The following ANO8 variants were observed in gnomAD, a reference collection of about 807,000 sequenced individuals.
ANO8 encodes anoctamin 8, also known as anoctamin-8.
In ANO8, 67 loss-of-function variants were observed where a neutral mutation model predicts 120.4. The ratio of observed to expected loss-of-function variants is 0.56; its 90% CI spans 0.46 to 0.68. The LOEUF is 0.68. Among genes scored for constraint, ANO8 ranks in the 30% least tolerant of loss-of-function variants. The pLI, the probability that ANO8 is intolerant of heterozygous loss-of-function variation, is 0.00. For missense variants in ANO8, 1,526 were observed against 1,737.6 expected (o/e 0.88, Z 2.16); for synonymous variants, 727 against 759.2 (o/e 0.96, Z 0.70).
rs528803838 is a variant in ANO8, at chr19:17,328,341, C to T, written c.2047G>A (p.Gly683Arg). 6 of 1,578,038 alleles carry T rather than the reference C, an allele frequency of 3.8e-6. No individual in the cohort carries two copies. Among genetic ancestry groups the T allele is most frequent in the Admixed American group, 1.8e-5 (1 of 55,096 alleles). ...EPPAILFRRA[G>R]GEGRDQGPDG... is the part of the protein sequence containing the mutation. Reference sequence around the variant, plus strand: ...GGCCCCTGGTCTCGGCCCTCGCCCCCGGCCCGGCGGAACAAGATGGCCGGG... The same window carrying T: ...GGCCCCTGGTCTCGGCCCTCGCCCCTGGCCCGGCGGAACAAGATGGCCGGG... The change falls in exon 13 of 18, where the codon GGG (glycine) becomes AGG (arginine). Residue 683 changes from glycine to arginine, a missense_variant. Coordinates refer to ENST00000159087, the MANE Select transcript of ANO8 (RefSeq NM_020959.3).
Position 17,328,210 on chromosome 19 carries a change from CGA to C in ANO8, c.2176_2177del (p.Ser726AlafsTer53), listed in dbSNP as rs761093570. On this transcript the variant is annotated frameshift_variant, in exon 13 of 18. Transcript: ENST00000159087. LOFTEE classifies it high-confidence loss of function. ...SWIDPPEEEHSPQLTQAELES... is the reference protein window; with the variant it reads ...SWIDPPEEEHXPQLTQAELES... ...CCAGCTCTGCCTGGGTGAGCTGGGGCGAGTGTTCCTCCTCCGGCGGGTCAATC... is the reference window on the plus strand; with the variant it reads ...CCAGCTCTGCCTGGGTGAGCTGGGGCGTGTTCCTCCTCCGGCGGGTCAATC... 1 of 1,591,720 alleles carries C rather than the reference CGA, an allele frequency of 6.3e-7. No homozygotes were observed.
In ANO8 at chr19:17,330,903, C is replaced by A; in HGVS notation, c.918G>T (p.Gly306=). 6.2e-7 allele frequency: 1 copy of A among 1,614,198 alleles called. No homozygotes were observed. Among genetic ancestry groups the A allele is most frequent in the Non-Finnish European group, 8.5e-7 (1 of 1,180,040 alleles). The change falls in exon 8 of 18, where the codon GGG becomes GGT. Residue 306 remains glycine, a synonymous_variant. Transcript: ENST00000159087. ...TCCCCCACTTATATGCCAGCTCAGC[C>A]CCTCTCCGCTTCCATTCCTCTAGGA... is the stretch of plus-strand genomic sequence containing the variant. ...TLFLEEWKRR[G]AELAYKWGTL... is the part of the protein sequence containing the mutation.
Position 17,328,320 on chromosome 19 carries a change from C to T in ANO8, c.2068G>A (p.Gly690Arg), listed in dbSNP as rs1161279283. The T allele has an allele frequency of 1.9e-6, 3 of 1,595,256 alleles. No individual in the cohort carries two copies. Among genetic ancestry groups the T allele is most frequent in the African/African-American group, 2.7e-5 (2 of 74,806 alleles). The stretch of plus-strand genomic sequence containing the variant: ...TCCGGGTCCGGGCCCCCGTCGGGCC[C>T]CTGGTCTCGGCCCTCGCCCCCGGCC... ...RRAGGEGRDQGPDGGPDPEPG... is the reference protein window; with the variant it reads ...RRAGGEGRDQRPDGGPDPEPG... Residue 690 changes from glycine (G) to arginine (R), a missense_variant, in exon 13 of 18, where the codon GGG (glycine) becomes AGG (arginine). Physicochemically the swap from Gly to Arg is moderately radical, Grantham distance 125. Coordinates refer to ENST00000159087, the MANE Select transcript of ANO8 (RefSeq NM_020959.3).
chr19:17,329,294 C>A (rs962254272), intron 12 of ANO8: 1 of 376,264 alleles, frequency 2.7e-6, no homozygotes, highest in Admixed American at 4.6e-5. Context: ...GCTTGCTGGC[C>A]GCCCCCGACC....
chr19:17,328,149 G>GCCCCCTGCGAGGCCCCC lies in ANO8; in HGVS notation c.2226+12_2226+13insGGGGGCCTCGCAGGGGG. On this transcript the variant is annotated intron_variant, in intron 13 of 17. Coordinates refer to ENST00000159087, the MANE Select transcript of ANO8 (RefSeq NM_020959.3). ...GAGGCCCCGCCCCCTGCGAGGCCCC[G>GCCCCCTGCGAGGCCCCC]CCCCCTCCTCACCTCGTACTTCTTC... The GCCCCCTGCGAGGCCCCC allele has an allele frequency of 3.9e-6, 5 of 1,287,514 alleles. No homozygotes were observed. Among genetic ancestry groups the GCCCCCTGCGAGGCCCCC allele is most frequent in the Non-Finnish European group, 4.2e-6 (4 of 956,398 alleles). The allele number at this position is 1,287,514 out of a possible 1,614,324, so 79.8% of individuals were successfully genotyped here. A position where few individuals can be genotyped will look rare whatever the true frequency, so the allele number is the denominator to read the frequency against.
At position 17,324,871 on chromosome 19, in the gene ANO8, G is replaced by T; in HGVS notation, c.3177C>A (p.Gly1059=). The T allele has an allele frequency of 6.2e-7, 1 of 1,613,076 alleles. No homozygotes were observed. The highest frequency in any genetic ancestry group is 1.1e-5 in the South Asian group (1 of 91,078). ...FHAGKLFPFG[G]TRAEPGSNGA... The stretch of plus-strand genomic sequence containing the variant: ...CGTTGGACCCAGGCTCAGCCCGGGT[G>T]CCACCAAAGGGGAAGAGCTTGCCAG... The change falls in exon 17 of 18, where the codon GGC becomes GGA. Residue 1059 remains glycine (G), a synonymous_variant. Transcript: ENST00000159087.
chr19:17,323,800 G>C lies in ANO8; in HGVS notation c.3416C>G (p.Pro1139Arg). 8.7e-7 allele frequency: 1 copy of C among 1,154,718 alleles called. No homozygotes were observed. Among genetic ancestry groups the C allele is most frequent in the Non-Finnish European group, 1.1e-6 (1 of 938,094 alleles). 71.5% of individuals were successfully genotyped at this position (1,154,718 alleles called of 1,614,324 possible). ...SPAPPPPMPL[P>R]RPPTPPAGCW... ...GCCTGCGGGCGGTGTCGGGGGCCGG[G>C]GCAGCGGCATTGGCGGCGGCGGCGC... The change falls in exon 18 of 18, where the codon CCC becomes CGC. Residue 1139 changes from proline to arginine, a missense_variant. Physicochemically the swap from Pro to Arg is moderately radical, Grantham distance 103. This residue lies in a region of ANO8 where 489 missense variants were observed against 548.6 expected (regional missense o/e 0.89). Transcript: ENST00000159087.
Position 17,328,500 on chromosome 19 carries a change from C to A in ANO8, c.1888G>T (p.Gly630Cys), listed in dbSNP as rs767740023. 1.3e-6 allele frequency: 2 copies of A among 1,555,594 alleles called. No homozygotes were observed. The highest frequency in any genetic ancestry group is 2.7e-5 in the African/African-American group (2 of 73,546). The part of the protein sequence containing the change: ...AERGAGRRRP[G>C]PSPEALLEEG... ...TCCAGGAGGGCCTCCGGGCTTGGGC[C>A]GGGCCGACGCCGCCCCGCGCCGCGC... Residue 630 changes from glycine to cysteine, a missense_variant, in exon 13 of 18, where the codon GGC becomes TGC. By Grantham distance (159) the Gly-to-Cys change is radical (BLOSUM62 -3). This residue lies in a region of ANO8 where 467 missense variants were observed against 425.8 expected (regional missense o/e 1.10). Coordinates refer to ENST00000159087, the MANE Select transcript of ANO8 (RefSeq NM_020959.3).
Position 17,333,008 on chromosome 19 carries a change from GGAT to G in ANO8, c.505_507del (p.Ile169del), listed in dbSNP as rs771363631. The G allele has an allele frequency of 6.2e-7, 1 of 1,614,114 alleles. No individual in the cohort carries two copies. The highest frequency in any genetic ancestry group is 1.7e-5 in the Admixed American group (1 of 60,026). ...GCACGCAAATTCTGCAGCCAGAAGC[GGAT>G]GATGCTCTGGCGTTCCTGCGAGGAA... is the stretch of plus-strand genomic sequence containing the variant. On this transcript the variant is annotated inframe_deletion, in exon 5 of 18. Transcript: ENST00000159087. The surrounding 1 kb of genome is among the most constrained non-coding windows in gnomAD (Gnocchi z 7.2).
chr19:17,328,446 C>A lies in ANO8; in HGVS notation c.1942G>T (p.Gly648Trp). ...AGGGTGAACACTCCCGGCTCCAGCC[C>A]CTTCTCCACCATAGTGGGGCTCCCT... ...EEGSPTMVEK[G>W]LEPGVFTLAE... Residue 648 changes from glycine to tryptophan, a missense_variant, in exon 13 of 18, where the codon GGG becomes TGG. By Grantham distance (184) the Gly-to-Trp change is radical (BLOSUM62 -2). Coordinates refer to ENST00000159087, the MANE Select transcript of ANO8 (RefSeq NM_020959.3). The A allele has an allele frequency of 6.3e-7, 1 of 1,576,488 alleles. No homozygotes were observed. The highest frequency in any genetic ancestry group is 8.6e-7 in the Non-Finnish European group (1 of 1,166,772).
In ANO8 at chr19:17,333,773, T is replaced by C; in HGVS notation, c.134A>G (p.Gln45Arg). The part of the protein sequence containing the change: ...LDKLFGKRLL[Q>R]AGRYLVSHKA... ...GTGGGACACCAGGTAGCGACCAGCC[T>C]GCAGGAGCCGCTTTCCGAAAAGCTT... Residue 45 changes from glutamine to arginine, a missense_variant, in exon 2 of 18, where the codon CAG (glutamine) becomes CGG (arginine). This residue lies in a region of ANO8 where 322 missense variants were observed against 431.8 expected (regional missense o/e 0.75). Coordinates refer to ENST00000159087, the MANE Select transcript of ANO8 (RefSeq NM_020959.3). This position sits in a 1 kb window ranked among gnomAD's most constrained non-coding sequence, Gnocchi z 7.2. The C allele has an allele frequency of 2.5e-6, 4 of 1,605,360 alleles. No individual in the cohort carries two copies. Among genetic ancestry groups the C allele is most frequent in the Non-Finnish European group, 3.4e-6 (4 of 1,177,094 alleles).
chr19:17,327,973 C>G (rs2074284486), intron 13 of ANO8, 93 bp from the exon 14 acceptor site: 3 of 1,512,800 alleles, frequency 2.0e-6, no homozygotes, highest in Admixed American at 4.0e-5. Context: ...CCCATGTGGA[C>G]CCAGGGCCTG....
rs765321190 is a variant in ANO8 at position 17,330,011 on chromosome 19, T to A, written c.1277A>T (p.Asn426Ile). 6.2e-7 allele frequency: 1 copy of A among 1,613,610 alleles called. No homozygotes were observed. The highest frequency in any genetic ancestry group is 1.1e-5 in the South Asian group (1 of 91,054). Reference protein sequence around the residue: ...KLAIWLNDMENYRLESAYEKH... With the variant: ...KLAIWLNDMEIYRLESAYEKH... ...CTCATAGGCGCTCTCCAGCCGGTAA[T>A]TTTCTAGGGGCCAAGGGGGGGAGTG... The change falls in exon 11 of 18, where the codon AAT becomes ATT. Residue 426 changes from asparagine to isoleucine, a missense_variant. Transcript: ENST00000159087.
At chr19:17,325,645 G>C (rs1207820014) in intron 16 of ANO8, among the ~76,000 whole-genome samples, 1 of 152,214 alleles carries the variant, frequency 6.6e-6, no homozygotes, top group Non-Finnish European at 1.5e-5. Flanking sequence ...ATGCTTATTG[G>C]GGCTGGGCGC....
In ANO8 at chr19:17,328,906, G is replaced by T; in HGVS notation, c.1482C>A (p.Arg494=). Residue 494 remains arginine, a synonymous_variant, in exon 13 of 18, where the codon CGC becomes CGA. Transcript: ENST00000159087. ...GCAGGCCCAGCTCGCCGCGGCCCAG[G>T]CGCCGGTACAGGTGCGGCTGCAGGA... ...REVLQPHLYR[R]LGRGELGLRA... is the part of the protein sequence containing the mutation. 1 of 1,506,620 alleles carries T rather than the reference G, an allele frequency of 6.6e-7. No individual in the cohort carries two copies. The allele number at this position is 1,506,620 out of a possible 1,614,324, so 93.3% of individuals were successfully genotyped here.
chr19:17,327,408 A>C (rs1361809104), intron 15 of ANO8, 30 bp downstream of exon 15: 1 of 1,575,670 alleles, frequency 6.3e-7, no homozygotes, highest in Non-Finnish European at 8.6e-7. Context: ...CTCGCCTCCC[A>C]GCTGCCCCCG....
rs2074262403 is a variant in ANO8, at chr19:17,324,817, C to T, written c.3231G>A (p.Gly1077=). The T allele has an allele frequency of 1.2e-6, 2 of 1,605,244 alleles. No homozygotes were observed. The highest frequency in any genetic ancestry group is 1.1e-5 in the South Asian group (1 of 90,540). ...CCCGGCTGCTGCCACTGCTGGGGGTCCCATCTGGCCGGGCCTGCCCGCCCG... is the reference window on the plus strand; with the variant it reads ...CCCGGCTGCTGCCACTGCTGGGGGTTCCATCTGGCCGGGCCTGCCCGCCCG... The part of the protein sequence containing the change: ...NGAGGQARPD[G]TPSSGSSRVQ... The change falls in exon 17 of 18, where the codon GGG becomes GGA. Residue 1077 remains glycine, a synonymous_variant. Coordinates refer to ENST00000159087, the MANE Select transcript of ANO8 (RefSeq NM_020959.3).
At position 17,323,577 on chromosome 19, in the gene ANO8, C is replaced by T; in HGVS notation, c.3639G>A (p.Ala1213=). ...PPTSDPLETP[A]PSPSPSPSPQ... is the part of the protein sequence containing the mutation. ...GGCTGGGGCTGGGGCTAGGGGAGGG[C>T]GCTGGGGTCTCGAGGGGATCCGAGG... Residue 1213 remains alanine, a synonymous_variant, in exon 18 of 18, where the codon GCG becomes GCA. Transcript: ENST00000159087. 6 of 1,095,610 alleles carry T rather than the reference C, an allele frequency of 5.5e-6. No individual in the cohort carries two copies. Among genetic ancestry groups the T allele is most frequent in the South Asian group, 3.5e-5 (1 of 28,766 alleles). The allele number at this position is 1,095,610 out of a possible 1,614,324, so 67.9% of individuals were successfully genotyped here. A position where few individuals can be genotyped will look rare whatever the true frequency, so the allele number is the denominator to read the frequency against.
chr19:17,330,717 C>T lies in ANO8; in HGVS notation c.993+111G>A, dbSNP rs549020035. On this transcript the variant is annotated intron_variant, in intron 8 of 17. Transcript: ENST00000159087. ...AGAGCCCGCCTCGGTTTGGCATACCCTCTTTGATGAAACAATCCTGTTTCA... is the reference window on the plus strand; with the variant it reads ...AGAGCCCGCCTCGGTTTGGCATACCTTCTTTGATGAAACAATCCTGTTTCA... 12 of 1,478,222 alleles carry T rather than the reference C, an allele frequency of 8.1e-6. No homozygotes were observed. In the South Asian group the frequency reaches 1.4e-4, roughly 18 times the overall value. 91.6% of individuals were successfully genotyped at this position (1,478,222 alleles called of 1,614,324 possible).
Sources: allele counts gnomAD v4.1 joint callset (sites outside exome capture counted in the v4.1 genomes callset), GRCh38; gene constraint gnomAD v4.1.1; regional missense constraint gnomAD v4.1.1; non-coding constraint Gnocchi (gnomAD v3.1); transcripts MANE v1.5; gene names NCBI Gene and HGNC (gene_info 2026-07-23, HGNC 2026-07-21).